DISC1: variants seen among roughly 807,000 people sequenced by gnomAD.
The protein encoded by DISC1 is DISC1 scaffold protein, also known as disrupted in schizophrenia 1 protein.
Under a neutral mutation model 84.5 loss-of-function variants are expected in DISC1, and 57 were observed. The ratio of observed to expected loss-of-function variants is 0.67; its 90% CI spans 0.55 to 0.84. The LOEUF (loss-of-function observed/expected upper bound fraction) is 0.84. DISC1 is among the 40% of genes least tolerant of loss of function. The pLI is 0.00. For synonymous variants in DISC1, 411 were observed against 415.2 expected, an observed-to-expected ratio of 0.99 and a Z score of 0.12; for missense variants, 1,000 against 1,057.8, an observed-to-expected ratio of 0.95 and a Z score of 0.76.
rs1247843080 is a variant in DISC1 at position 232,039,661 on chromosome 1, A to G, written c.*2830A>G. 3 of 152,162 alleles carry G rather than the reference A, an allele frequency of 2.0e-5. No individual in the cohort carries two copies. The allele number at this position is 152,162 out of a possible 1,614,324, so 9.4% of individuals were successfully genotyped here. On this transcript the variant is annotated 3_prime_UTR_variant, in exon 13 of 13. Transcript: ENST00000439617. ...CCACTTTGACCCTGGGAGACACAGGACTGTGTATCCTCAATCATACTATAC... is the reference window on the plus strand; with the variant it reads ...CCACTTTGACCCTGGGAGACACAGGGCTGTGTATCCTCAATCATACTATAC...
At chr1:231,864,964 T>C (rs1308707281) in intron 9 of DISC1, among the ~76,000 whole-genome samples, 1 of 152,188 alleles carries the variant, frequency 6.6e-6, no homozygotes, top group East Asian at 1.9e-4. Context: ...TTCTCAGTTA[T>C]GTAGTTATGA....
intron 1 of DISC1, among the ~76,000 whole-genome samples, chr1:231,654,897 C>A (rs2060931065): frequency 6.6e-6 from 1 of 152,146 alleles, no homozygotes; most frequent in African/African-American, 2.4e-5. Context: ...CCTTCAGGGT[C>A]AGATGGGAAG....
At chr1:231,976,657 T>G (rs964739092) in intron 10 of DISC1, among the ~76,000 whole-genome samples, 1 of 152,210 alleles carries the variant, frequency 6.6e-6, no homozygotes, top group Non-Finnish European at 1.5e-5. Context: ...CGTATTGGGC[T>G]TAACTCCATA....
In DISC1 at chr1:231,626,810, C is replaced by T. The variant is rs570503624; in HGVS notation, c.-58C>T. 26 of 1,292,302 alleles carry T rather than the reference C, an allele frequency of 2.0e-5. No individual in the cohort carries two copies. The African/African-American group carries it at 3.0e-4, about 15-fold the overall frequency. 80.1% of individuals were successfully genotyped at this position (1,292,302 alleles called of 1,614,324 possible). A position where few individuals can be genotyped will look rare whatever the true frequency, so the allele number is the denominator to read the frequency against. On this transcript the variant is annotated 5_prime_UTR_variant, in exon 1 of 13. Coordinates refer to ENST00000439617, the MANE Select transcript of DISC1 (RefSeq NM_018662.3). ...CTGCTCCCTTCCCCCCGCCTCTGGC[C>T]TCGGGGAAGGAGCAGGAGGCAGCCC...
At chr1:231,627,019 G>A in intron 1 of DISC1, 85 bp downstream of exon 1, 1 of 975,910 alleles carries the variant, frequency 1.0e-6, no homozygotes, top group Non-Finnish European at 1.4e-6. Context: ...AAGTCGCGTA[G>A]GTCAGGGCGT....
At chr1:231,793,377 A>G (rs1410099155) in intron 6 of DISC1, among the ~76,000 whole-genome samples, 2 of 152,208 alleles carry the variant, frequency 1.3e-5, no homozygotes, top group African/African-American at 4.8e-5. Context: ...GAGGGCAGGA[A>G]CCATGTCTTC....
chr1:231,956,138 C>G (rs1659457930), intron 9 of DISC1, among the ~76,000 whole-genome samples: 3 of 152,218 alleles, frequency 2.0e-5, no homozygotes, highest in African/African-American at 7.2e-5. Context: ...CAAGGAGATT[C>G]TGAACAAACA....
rs1232794490 is a variant in DISC1, at chr1:232,031,299, G to A, written c.2425+4747G>A. On this transcript the variant is annotated intron_variant, in intron 12 of 12. Coordinates refer to ENST00000439617, the MANE Select transcript of DISC1 (RefSeq NM_018662.3). This position sits in a 1 kb window ranked among gnomAD's most constrained non-coding sequence, Gnocchi z 4.6. ...GAAAAAGAAAGAAAAGAGGAAGGAA[G>A]GAAGGAGAGAGGGAAGGAGAGAAAA... Among the ~76,000 whole-genome samples the A allele has an allele frequency of 1.5e-5, 2 of 136,584 alleles. No homozygotes were observed. The highest frequency in any genetic ancestry group is 3.2e-5 in the Non-Finnish European group (2 of 62,516). The allele number at this position is 136,584 out of a possible 152,430, so 89.6% of individuals were successfully genotyped here.
chr1:231,987,223 T>A (rs1002942854), intron 10 of DISC1, among the ~76,000 whole-genome samples: 1 of 152,252 alleles, frequency 6.6e-6, no homozygotes, highest in Non-Finnish European at 1.5e-5. Flanking sequence ...CTTTGTGTAC[T>A]GGGGATAGAA....
intron 9 of DISC1, among the ~76,000 whole-genome samples, chr1:231,877,229 C>G (rs562525125): frequency 6.6e-6 from 1 of 152,252 alleles, no homozygotes; most frequent in Non-Finnish European, 1.5e-5. Flanking sequence ...CAGAGACCAA[C>G]CTTGTACAGC....
chr1:231,701,894 C>T (rs898704105), intron 2 of DISC1, 61 bp from the exon 3 acceptor site: 1 of 1,413,434 alleles, frequency 7.1e-7, no homozygotes, highest in Admixed American at 2.0e-5. Flanking sequence ...TTAGTTTTCA[C>T]AAAAATGTTT....
chr1:231,639,486 G>A (rs577067981), intron 1 of DISC1, among the ~76,000 whole-genome samples: 2 of 152,268 alleles, frequency 1.3e-5, no homozygotes, highest in African/African-American at 4.8e-5. Flanking sequence ...CTAGAAGCAC[G>A]GAGGTACATT....
At chr1:231,752,453 T>C (rs1484731942) in intron 4 of DISC1, among the ~76,000 whole-genome samples, 1 of 152,124 alleles carries the variant, frequency 6.6e-6, no homozygotes, top group Non-Finnish European at 1.5e-5. Flanking sequence ...AACTCTATCA[T>C]GAGAATAGCA....
intron 10 of DISC1, among the ~76,000 whole-genome samples, chr1:231,977,078 C>A (rs1662915402): frequency 1.3e-5 from 2 of 152,174 alleles, no homozygotes; most frequent in Non-Finnish European, 2.9e-5. Context: ...AAAATGATTA[C>A]TGTGGAAATT....
At chr1:231,753,547 T>A (rs1558482602) in intron 4 of DISC1, among the ~76,000 whole-genome samples, 2 of 152,230 alleles carry the variant, frequency 1.3e-5, no homozygotes, top group African/African-American at 4.8e-5. Flanking sequence ...TCCAAGCCTA[T>A]GAGGGGAGGG....
intron 4 of DISC1, among the ~76,000 whole-genome samples, chr1:231,758,605 C>T (rs1476975296): frequency 6.6e-6 from 1 of 152,154 alleles, no homozygotes; most frequent in Non-Finnish European, 1.5e-5. Flanking sequence ...GGTCTAAGTC[C>T]TTCAGCTTTA....
At chr1:231,827,355 C>A (rs1046690511) in intron 9 of DISC1, among the ~76,000 whole-genome samples, 1 of 152,066 alleles carries the variant, frequency 6.6e-6, no homozygotes, top group Non-Finnish European at 1.5e-5. Flanking sequence ...CTTTATAAAC[C>A]AAATTTGATT....
chr1:231,959,732 C>T lies in DISC1; in HGVS notation c.2042+844C>T, dbSNP rs182557737. Among the ~76,000 whole-genome samples, 322 of 152,276 alleles carry T rather than the reference C, an allele frequency of 2.1e-3. 3 individuals carry two copies. Among genetic ancestry groups the T allele is most frequent in the African/African-American group, 7.3e-3 (304 of 41,556 alleles). On this transcript the variant is annotated intron_variant, in intron 10 of 12. Transcript: ENST00000439617. Reference sequence around the variant, plus strand: ...GGATTTATTCTCATCCTTGGAAAGCCGTCCTATAACCTCCTGATTGATCTT... The same window carrying T: ...GGATTTATTCTCATCCTTGGAAAGCTGTCCTATAACCTCCTGATTGATCTT...
intron 9 of DISC1, among the ~76,000 whole-genome samples, chr1:231,924,147 A>T (rs1558739388): frequency 6.6e-6 from 1 of 152,228 alleles, no homozygotes; most frequent in Non-Finnish European, 1.5e-5. Flanking sequence ...AAAAAGATGA[A>T]CTTTTTCCCC....
Sources: allele counts gnomAD v4.1 joint callset (sites outside exome capture counted in the v4.1 genomes callset), GRCh38; gene constraint gnomAD v4.1.1; non-coding constraint Gnocchi (gnomAD v3.1); transcripts MANE v1.5; gene names NCBI Gene and HGNC (gene_info 2026-07-23, HGNC 2026-07-21).